Variants in HPCAL1 observed in about 807,000 individuals in gnomAD.
HPCAL1 encodes hippocalcin-like protein 1.
Under a neutral mutation model 17.1 loss-of-function variants are expected in HPCAL1, and 8 were observed. That is an observed-to-expected ratio of 0.47 (90% CI 0.27 to 0.84). The LOEUF (loss-of-function observed/expected upper bound fraction) is 0.84. HPCAL1 is among the 40% of genes least tolerant of loss of function. HPCAL1 has a pLI of 0.13. For synonymous variants in HPCAL1, 112 were observed against 111.4 expected (o/e 1.01, Z -0.03); for missense variants, 165 against 271.1 (o/e 0.61, Z 2.75).
intron 1 of HPCAL1, among the ~76,000 whole-genome samples, chr2:10,373,931 T>A (rs1031353680): frequency 6.6e-6 from 1 of 152,230 alleles, no homozygotes. Flanking sequence ...TCTGCGGGGT[T>A]GGCTTTATGA....
chr2:10,410,436 C>CTTTTTTTTTTTTTTTT (rs36002921), intron 2 of HPCAL1, among the ~76,000 whole-genome samples: 21 of 77,508 alleles, frequency 2.7e-4, no homozygotes, highest in East Asian at 4.3e-4. Context: ...TCTTCTTCTT[C>CTTTTTTTTTTTTTTTT]TTTTTTTTTT....
At chr2:10,409,231 G>A (rs7579181) in intron 2 of HPCAL1, among the ~76,000 whole-genome samples, 42,629 of 152,008 alleles carry the variant, frequency 0.28, 6,534 homozygotes, top group African/African-American at 0.4. Context: ...TAGCTTATAG[G>A]TGGAGACACG....
At chr2:10,333,923 A>T (rs754491587) in intron 1 of HPCAL1, among the ~76,000 whole-genome samples, 22 of 152,232 alleles carry the variant, frequency 1.4e-4, no homozygotes, top group Non-Finnish European at 2.9e-4. Flanking sequence ...GATGCTTTGT[A>T]GATATGTGTA....
At chr2:10,386,477 T>G (rs1041471395) in intron 1 of HPCAL1, among the ~76,000 whole-genome samples, 4 of 151,982 alleles carry the variant, frequency 2.6e-5, no homozygotes, top group African/African-American at 4.8e-5. Flanking sequence ...GGGGCTTTGA[T>G]GTGGGGAGAA....
intron 2 of HPCAL1, among the ~76,000 whole-genome samples, chr2:10,397,494 G>C (rs970989364): frequency 6.6e-6 from 1 of 152,098 alleles, no homozygotes; most frequent in South Asian, 2.1e-4. Flanking sequence ...GGGTCTGTCT[G>C]AATCCGCCAC....
intron 1 of HPCAL1, among the ~76,000 whole-genome samples, chr2:10,372,527 G>T (rs1572743376): frequency 6.6e-6 from 1 of 152,150 alleles, no homozygotes; most frequent in Non-Finnish European, 1.5e-5. Context: ...AGGCGGACAG[G>T]CGAGCGTATG....
intron 1 of HPCAL1, among the ~76,000 whole-genome samples, chr2:10,311,076 A>G (rs557153065): frequency 6.6e-6 from 1 of 152,314 alleles, no homozygotes; most frequent in Non-Finnish European, 1.5e-5. Flanking sequence ...TCCTGGCAGA[A>G]TGAGTGTGGG....
intron 2 of HPCAL1, among the ~76,000 whole-genome samples, chr2:10,418,646 G>C (rs1219048666): frequency 6.6e-6 from 1 of 152,098 alleles, no homozygotes; most frequent in Non-Finnish European, 1.5e-5. Context: ...ATTCTTCCAT[G>C]TACTTCAAAA....
intron 1 of HPCAL1, among the ~76,000 whole-genome samples, chr2:10,351,750 C>A (rs1416098586): frequency 3.3e-5 from 5 of 151,814 alleles, no homozygotes; most frequent in African/African-American, 1.2e-4. Context: ...CAGAGCAACA[C>A]CCTGTCTCAA....
intron 1 of HPCAL1, among the ~76,000 whole-genome samples, chr2:10,378,900 C>A (rs1667762983): frequency 6.6e-6 from 1 of 152,168 alleles, no homozygotes; most frequent in African/African-American, 2.4e-5. Flanking sequence ...ACATATGGGT[C>A]CATTTCTTCT....
chr2:10,374,325 TG>T (rs1435929232), intron 1 of HPCAL1, among the ~76,000 whole-genome samples: 5 of 145,234 alleles, frequency 3.4e-5, no homozygotes, highest in Non-Finnish European at 7.6e-5. Flanking sequence ...AAAAAATCAC[TG>T]GTGGTCGCCT....
Position 10,427,055 on chromosome 2 carries a change from G to A in HPCAL1, c.*234G>A, listed in dbSNP as rs767292294. On this transcript the variant is annotated 3_prime_UTR_variant, in exon 5 of 5. Coordinates refer to ENST00000307845, the MANE Select transcript of HPCAL1 (RefSeq NM_002149.4). ...CCAGGGCAACTCCCAGGGATGTGGT[G>A]ACATGCAGGGTTCAAGTGTTCTTGG... The A allele has an allele frequency of 2.2e-5, 12 of 544,092 alleles. No individual in the cohort carries two copies. Among genetic ancestry groups the A allele is most frequent in the African/African-American group, 5.7e-5 (3 of 52,482 alleles). The allele number at this position is 544,092 out of a possible 1,614,324, so 33.7% of individuals were successfully genotyped here.
intron 1 of HPCAL1, among the ~76,000 whole-genome samples, chr2:10,318,600 G>A (rs966877981): frequency 1.3e-5 from 2 of 152,184 alleles, no homozygotes; most frequent in Admixed American, 6.5e-5. Flanking sequence ...ATGTGCAGCC[G>A]GTGATTGGCC....
intron 1 of HPCAL1, among the ~76,000 whole-genome samples, chr2:10,328,710 A>G (rs1572647685): frequency 1.3e-5 from 2 of 152,206 alleles, no homozygotes; most frequent in East Asian, 3.9e-4. Context: ...TTCAGCCTCC[A>G]TAATAACATG....
intron 1 of HPCAL1, among the ~76,000 whole-genome samples, chr2:10,326,540 C>T (rs547968401): frequency 5.3e-5 from 8 of 152,290 alleles, no homozygotes; most frequent in East Asian, 3.9e-4. Flanking sequence ...CTTCCGCTTC[C>T]GTGCCATGAG....
intron 1 of HPCAL1, among the ~76,000 whole-genome samples, chr2:10,338,277 G>C (rs1664842655): frequency 6.6e-6 from 1 of 152,066 alleles, no homozygotes; most frequent in Non-Finnish European, 1.5e-5. Context: ...GTAGGACCTG[G>C]TGAATAATAA....
chr2:10,355,950 T>C (rs952077546), intron 1 of HPCAL1, among the ~76,000 whole-genome samples: 2 of 152,116 alleles, frequency 1.3e-5, no homozygotes, highest in East Asian at 1.9e-4. Context: ...GGCTCAGGCT[T>C]GGAGAGTGCA....
chr2:10,327,250 G>C (rs1048029432), intron 1 of HPCAL1, among the ~76,000 whole-genome samples: 2 of 152,228 alleles, frequency 1.3e-5, no homozygotes, highest in African/African-American at 4.8e-5. Flanking sequence ...TCCAGATCGT[G>C]TTAAACAGAA....
At chr2:10,335,331 A>G (rs1415095342) in intron 1 of HPCAL1, among the ~76,000 whole-genome samples, 1 of 152,180 alleles carries the variant, frequency 6.6e-6, no homozygotes, top group African/African-American at 2.4e-5. Flanking sequence ...CCATGTCTCA[A>G]GGCAGTCCTG....
Sources: allele counts gnomAD v4.1 joint callset (sites outside exome capture counted in the v4.1 genomes callset), GRCh38; gene constraint gnomAD v4.1.1; transcripts MANE v1.5; gene names NCBI Gene and HGNC (gene_info 2026-07-23, HGNC 2026-07-21).